Variants in RSPO2 observed in about 807,000 individuals in gnomAD.
The protein encoded by RSPO2 is R-spondin-2.
Under a neutral mutation model 30.9 loss-of-function variants are expected in RSPO2, and 14 were observed. The observed-to-expected ratio is 0.45, with a 90% CI of 0.30 to 0.71. The LOEUF (loss-of-function observed/expected upper bound fraction) is 0.71, where lower values mean the gene tolerates loss of function less well. Ranked by LOEUF, RSPO2 falls within the 30% of genes least tolerant of loss-of-function variation. The pLI is 0.08. For synonymous variants in RSPO2, 107 were observed against 96.4 expected, an observed-to-expected ratio of 1.11 and a Z score of -0.64; for missense variants, 264 against 301.9, an observed-to-expected ratio of 0.87 and a Z score of 0.93.
chr8:107,928,568 T>A (rs955188489), intron 5 of RSPO2, among the ~76,000 whole-genome samples: 2 of 152,178 alleles, frequency 1.3e-5, no homozygotes, highest in Admixed American at 1.3e-4. Context: ...ATGTATGGAA[T>A]GTTTAAAAGT....
At chr8:108,003,303 ATATATATATTTTTTTTTTTTT>A (rs1216124834) in intron 2 of RSPO2, among the ~76,000 whole-genome samples, 370 of 27,150 alleles carry the variant, frequency 0.014, 4 homozygotes, top group African/African-American at 0.04. Context: ...ATATATATAT[ATATATATATTTTTTTTTTTTT>A]TTTTTTTTTT....
At chr8:108,045,902 T>C (rs1485424951) in intron 2 of RSPO2, among the ~76,000 whole-genome samples, 2 of 152,206 alleles carry the variant, frequency 1.3e-5, no homozygotes, top group African/African-American at 4.8e-5. Flanking sequence ...AACTGTGTAA[T>C]ATAAAACATA....
chr8:107,971,512 T>C (rs1329068001), intron 3 of RSPO2, among the ~76,000 whole-genome samples: 2 of 152,192 alleles, frequency 1.3e-5, no homozygotes, highest in East Asian at 3.8e-4. Flanking sequence ...GGTTTACGTC[T>C]CACAACAGGC....
At chr8:107,903,366 ATTAT>A (rs1811539346) in intron 5 of RSPO2, among the ~76,000 whole-genome samples, 1 of 152,126 alleles carries the variant, frequency 6.6e-6, no homozygotes, top group African/African-American at 2.4e-5. Context: ...CTTCGTGTAA[ATTAT>A]GTAGTTGTGA....
intron 5 of RSPO2, among the ~76,000 whole-genome samples, chr8:107,912,881 A>ATTTT (rs1811866403): frequency 6.6e-6 from 1 of 152,194 alleles, no homozygotes; most frequent in Non-Finnish European, 1.5e-5. Flanking sequence ...TATTAAAATC[A>ATTTT]AATAAATGTA....
Position 107,901,092 on chromosome 8 carries a change from C to A in RSPO2, c.715G>T (p.Asp239Tyr), listed in dbSNP as rs1811444563. The change falls in exon 6 of 6, where the codon GAC becomes TAC. Residue 239 changes from aspartate to tyrosine, a missense_variant. By Grantham distance (160) the Asp-to-Tyr change is radical. Coordinates refer to ENST00000276659, the MANE Select transcript of RSPO2 (RefSeq NM_178565.5). ...CTCTTGTTTTATTGGTTAGCTCTGT[C>A]TGTAGCTAGGAAGACGCTGTGTTGC... is the stretch of plus-strand genomic sequence containing the variant. ...QEQHSVFLATDRANQ is the reference protein window; with the variant it reads ...QEQHSVFLATYRANQ 2 of 1,613,982 alleles carry A rather than the reference C, an allele frequency of 1.2e-6. No homozygotes were observed. Among genetic ancestry groups the A allele is most frequent in the Non-Finnish European group, 8.5e-7 (1 of 1,179,980 alleles).
At chr8:108,081,669 A>C (rs1026376134) in intron 2 of RSPO2, among the ~76,000 whole-genome samples, 4 of 152,114 alleles carry the variant, frequency 2.6e-5, no homozygotes, top group African/African-American at 9.7e-5. Context: ...ATACGCACTA[A>C]ATCTGCAGGA....
At chr8:108,054,572 G>C (rs2167551) in intron 2 of RSPO2, among the ~76,000 whole-genome samples, 1 of 152,018 alleles carries the variant, frequency 6.6e-6, no homozygotes, top group Non-Finnish European at 1.5e-5. Context: ...AGCCCCAAGA[G>C]GCAAAAGAAA....
Position 108,047,573 on chromosome 8 carries a change from C to G in RSPO2, c.94+34972G>C, listed in dbSNP as rs1263163987. On this transcript the variant is annotated intron_variant, in intron 2 of 5. Transcript: ENST00000276659. Reference sequence around the variant, plus strand: ...TGCCTTTTGGAAGCCTGTGGTCAGGCATGGTGGCTCATGCCTGTAATCCCA... The same window carrying G: ...TGCCTTTTGGAAGCCTGTGGTCAGGGATGGTGGCTCATGCCTGTAATCCCA... Among the ~76,000 whole-genome samples the G allele has an allele frequency of 2.6e-5, 4 of 152,162 alleles. No individual in the cohort carries two copies. The South Asian group carries it at 6.2e-4, about 24-fold the overall frequency.
chr8:108,074,867 C>T (rs1301393411), intron 2 of RSPO2, among the ~76,000 whole-genome samples: 2 of 152,168 alleles, frequency 1.3e-5, no homozygotes, highest in East Asian at 3.9e-4. Flanking sequence ...ATTCAAAGGA[C>T]AGTGAAATGT....
At chr8:107,971,802 C>T (rs1814008767) in intron 3 of RSPO2, among the ~76,000 whole-genome samples, 1 of 152,176 alleles carries the variant, frequency 6.6e-6, no homozygotes, top group African/African-American at 2.4e-5. Context: ...AGTACAAACC[C>T]TTGATTTTAA....
chr8:108,010,940 G>A (rs1810684885), intron 2 of RSPO2, among the ~76,000 whole-genome samples: 1 of 152,000 alleles, frequency 6.6e-6, no homozygotes, highest in East Asian at 1.9e-4. Flanking sequence ...GCCAGCCTGA[G>A]CAATATAGTG....
chr8:108,023,987 T>C (rs542376458), intron 2 of RSPO2, among the ~76,000 whole-genome samples: 38 of 152,288 alleles, frequency 2.5e-4, no homozygotes, highest in Admixed American at 1.4e-3. Flanking sequence ...ATAAGGGCTC[T>C]TTTGACCACA....
At chr8:107,919,306 G>A (rs1000947469) in intron 5 of RSPO2, among the ~76,000 whole-genome samples, 16 of 152,176 alleles carry the variant, frequency 1.1e-4, no homozygotes, top group Admixed American at 6.5e-5. Flanking sequence ...TAGTGAAAGA[G>A]ATTTGACTTA....
chr8:107,979,738 C>G (rs928302927), intron 3 of RSPO2, among the ~76,000 whole-genome samples: 12 of 151,988 alleles, frequency 7.9e-5, no homozygotes, highest in African/African-American at 2.9e-4. Flanking sequence ...ACCCTTGTGT[C>G]CAATGAACCA....
chr8:108,073,681 T>C (rs1034126301), intron 2 of RSPO2, among the ~76,000 whole-genome samples: 3 of 152,218 alleles, frequency 2.0e-5, no homozygotes, highest in Admixed American at 6.5e-5. Context: ...ACCCCTATAC[T>C]GTATATTTGT....
At chr8:108,060,116 T>C (rs11778087) in intron 2 of RSPO2, among the ~76,000 whole-genome samples, 25,100 of 151,626 alleles carry the variant, frequency 0.17, 2,720 homozygotes, top group East Asian at 0.43. Context: ...GAGCAGAAGA[T>C]GGGTGATTTC....
At chr8:107,937,735 A>C (rs1194961939) in intron 5 of RSPO2, among the ~76,000 whole-genome samples, 1 of 152,076 alleles carries the variant, frequency 6.6e-6, no homozygotes, top group Non-Finnish European at 1.5e-5. Context: ...ATCGCAAAAG[A>C]ATCACCATAA....
intron 5 of RSPO2, among the ~76,000 whole-genome samples, chr8:107,952,274 AACACACACACACATGCACACACACAC>A (rs1248489096): frequency 2.5e-5 from 3 of 119,628 alleles, no homozygotes; most frequent in African/African-American, 8.7e-5. Flanking sequence ...AATCACTTAA[AACACACACACACATGCACACACACAC>A]ACACACACAC....
Sources: allele counts gnomAD v4.1 joint callset (sites outside exome capture counted in the v4.1 genomes callset), GRCh38; gene constraint gnomAD v4.1.1; transcripts MANE v1.5; gene names NCBI Gene and HGNC (gene_info 2026-07-23, HGNC 2026-07-21).